Variants in SIL1 observed in about 807,000 individuals in gnomAD.
SIL1 encodes the protein nucleotide exchange factor SIL1.
SIL1 carries 40 observed loss-of-function variants against 49.1 expected under a neutral mutation model. The observed-to-expected ratio is 0.81, with a 90% CI of 0.63 to 1.06. The LOEUF is 1.06. SIL1 is among the 50% of genes least tolerant of loss of function. The pLI, the probability that SIL1 is intolerant of heterozygous loss-of-function variation, is 0.00. For synonymous variants in SIL1, 253 were observed against 250.8 expected (o/e 1.01, Z -0.08); for missense variants, 500 against 572.6 (o/e 0.87, Z 1.29).
intron 3 of SIL1, among the ~76,000 whole-genome samples, chr5:139,106,600 G>C (rs1179521304): frequency 6.6e-6 from 1 of 152,170 alleles, no homozygotes; most frequent in Non-Finnish European, 1.5e-5. Flanking sequence ...GTAAATGCTT[G>C]TAAGGGAGTT....
intron 7 of SIL1, among the ~76,000 whole-genome samples, chr5:138,957,073 A>G (rs1180730357): frequency 6.6e-6 from 1 of 152,098 alleles, no homozygotes; most frequent in African/African-American, 2.4e-5. Flanking sequence ...GAGGGTCTCT[A>G]GACCCTACTG....
intron 7 of SIL1, among the ~76,000 whole-genome samples, chr5:138,973,511 G>T (rs1357495635): frequency 6.6e-6 from 1 of 152,072 alleles, no homozygotes; most frequent in African/African-American, 2.4e-5. Flanking sequence ...ACCCAAGCTG[G>T]AGTACAGTGG....
intron 7 of SIL1, among the ~76,000 whole-genome samples, chr5:139,003,269 T>A (rs543430071): frequency 6.6e-6 from 1 of 152,246 alleles, no homozygotes; most frequent in East Asian, 1.9e-4. Flanking sequence ...GGACTTGGCC[T>A]TAGCAACAGG....
Position 139,167,942 on chromosome 5 carries a change from A to G in SIL1, c.-11+30327T>C, listed in dbSNP as rs980856716. 7.2e-5 allele frequency among the ~76,000 whole-genome samples: 11 copies of G among 152,130 alleles called. 1 individual carries two copies. Among genetic ancestry groups the G allele is most frequent in the African/African-American group, 2.2e-4 (9 of 41,432 alleles). On this transcript the variant is annotated intron_variant, in intron 1 of 9. Transcript: ENST00000394817. ...AGCAATCCTCCTACCTCAGCCTCCC[A>G]AGTAGCTGGGACTCCAGGCATGTGA...
intron 2 of SIL1, among the ~76,000 whole-genome samples, chr5:139,123,910 C>A (rs150995706): frequency 4.9e-4 from 74 of 152,234 alleles, no homozygotes; most frequent in African/African-American, 1.7e-3. Flanking sequence ...TTGCAACCTT[C>A]TTTTTTTCTT....
intron 3 of SIL1, among the ~76,000 whole-genome samples, chr5:139,112,477 A>C (rs974610479): frequency 6.9e-6 from 1 of 145,366 alleles, no homozygotes. Flanking sequence ...GGATGTGAGG[A>C]GCGCCTCTGC....
intron 7 of SIL1, among the ~76,000 whole-genome samples, chr5:138,991,789 A>C (rs1767766670): frequency 6.6e-6 from 1 of 152,256 alleles, no homozygotes; most frequent in Non-Finnish European, 1.5e-5. Flanking sequence ...AGAAGGAGAG[A>C]AGAGAAGAAA....
intron 1 of SIL1, among the ~76,000 whole-genome samples, chr5:139,154,394 T>C (rs1581137841): frequency 6.6e-6 from 1 of 152,358 alleles, no homozygotes; most frequent in East Asian, 1.9e-4. Flanking sequence ...GCCCAGGCAG[T>C]GACCCTCTGG....
chr5:139,127,953 A>G, intron 1 of SIL1, 100 bp from the exon 2 acceptor site: 2 of 757,628 alleles, frequency 2.6e-6, no homozygotes, highest in Non-Finnish European at 4.7e-6. Flanking sequence ...CATGTCAGAC[A>G]TTTCCTGCAT....
At chr5:139,019,646 A>G (rs2150426896) in intron 7 of SIL1, among the ~76,000 whole-genome samples, 1 of 152,342 alleles carries the variant, frequency 6.6e-6, no homozygotes, top group Non-Finnish European at 1.5e-5. Flanking sequence ...ACGGGTCTGC[A>G]AAGCAGGCCC....
At chr5:139,160,270 C>A (rs1751486654) in intron 1 of SIL1, among the ~76,000 whole-genome samples, 3 of 151,750 alleles carry the variant, frequency 2.0e-5, no homozygotes, top group Non-Finnish European at 4.4e-5. Context: ...GTGAAAACTT[C>A]CGAAAGAAAA....
chr5:139,011,911 T>C (rs1354751073), intron 7 of SIL1, among the ~76,000 whole-genome samples: 1 of 152,180 alleles, frequency 6.6e-6, no homozygotes, highest in Non-Finnish European at 1.5e-5. Context: ...CAGAGAATGG[T>C]ATAATAATCC....
intron 4 of SIL1, among the ~76,000 whole-genome samples, chr5:139,045,348 AAAAC>A (rs910986856): frequency 3.9e-5 from 6 of 152,064 alleles, no homozygotes; most frequent in East Asian, 1.9e-4. Flanking sequence ...ACCCTGTCTC[AAAAC>A]AAACAAACAA....
intron 3 of SIL1, among the ~76,000 whole-genome samples, chr5:139,117,808 C>G (rs937836401): frequency 2.0e-5 from 3 of 152,186 alleles, no homozygotes; most frequent in Non-Finnish European, 2.9e-5. Context: ...AGGAGATTCA[C>G]CTGCAGCTGT....
At chr5:139,132,660 G>C (rs554541870) in intron 1 of SIL1, among the ~76,000 whole-genome samples, 1 of 152,184 alleles carries the variant, frequency 6.6e-6, no homozygotes, top group Non-Finnish European at 1.5e-5. Flanking sequence ...GGCATCCAGA[G>C]AGCAAGAGCA....
intron 7 of SIL1, among the ~76,000 whole-genome samples, chr5:138,997,926 G>A (rs144640022): frequency 6.3e-4 from 96 of 152,306 alleles, no homozygotes; most frequent in African/African-American, 1.9e-3. Context: ...GCTGAGGATT[G>A]CTTTGGCTAT....
At chr5:139,134,616 G>A (rs182312666) in intron 1 of SIL1, among the ~76,000 whole-genome samples, 65 of 152,296 alleles carry the variant, frequency 4.3e-4, no homozygotes, top group Non-Finnish European at 4.3e-4. Flanking sequence ...AGGAGGTAAA[G>A]GAAATAAATG....
chr5:139,025,788 A>G (rs1768635387), intron 6 of SIL1, among the ~76,000 whole-genome samples: 1 of 152,210 alleles, frequency 6.6e-6, no homozygotes. Context: ...AAGGATTGGC[A>G]AACTTTTTCT....
intron 3 of SIL1, among the ~76,000 whole-genome samples, chr5:139,108,857 T>G (rs1770782148): frequency 1.4e-5 from 2 of 144,706 alleles, no homozygotes; most frequent in African/African-American, 2.6e-5. Context: ...GGGCAGGATG[T>G]GAAGGAGGGG....
Sources: gnomAD v4.1 joint callset for allele counts (sites outside exome capture counted in the v4.1 genomes callset) on GRCh38, gnomAD v4.1.1 for gene constraint, MANE v1.5 for transcripts, NCBI Gene and HGNC (gene_info 2026-07-23, HGNC 2026-07-21) for gene names.